Variants in GSPT1 observed in about 807,000 individuals in gnomAD.
The protein encoded by GSPT1 is eukaryotic peptide chain release factor GTP-binding subunit ERF3A.
In GSPT1, 20 loss-of-function variants were observed where a neutral mutation model predicts 72.5. The observed-to-expected ratio is 0.28, with a 90% CI of 0.19 to 0.40. GSPT1 has a LOEUF of 0.40. Ranked by LOEUF, GSPT1 falls within the 10% of genes least tolerant of loss-of-function variation. The probability of loss-of-function intolerance (pLI) is 1.00; values close to 1 mark genes in which losing one functional copy is unlikely to be tolerated. For synonymous variants in GSPT1, 334 were observed against 293.5 expected (o/e 1.14, Z -1.41); for missense variants, 580 against 811.9 (o/e 0.71, Z 3.47).
At chr16:11,896,853 C>A in intron 3 of GSPT1, 68 bp from the exon 4 acceptor site, 1 of 1,017,010 alleles carries the variant, frequency 9.8e-7, no homozygotes, top group Non-Finnish European at 1.5e-6. Flanking sequence ...AATACACTAG[C>A]TTTAAAACAA....
At chr16:11,894,327 C>T (rs2054308103) in intron 5 of GSPT1, among the ~76,000 whole-genome samples, 1 of 152,032 alleles carries the variant, frequency 6.6e-6, no homozygotes, top group South Asian at 2.1e-4. Flanking sequence ...TACTAAAATG[C>T]ATTACTAAAG....
In GSPT1 at chr16:11,915,569, G is replaced by A; in HGVS notation, c.152C>T (p.Ala51Val). 1.3e-6 allele frequency: 2 copies of A among 1,488,992 alleles called. No individual in the cohort carries two copies. The highest frequency in any genetic ancestry group is 8.9e-7 in the Non-Finnish European group (1 of 1,119,970). 92.2% of individuals were successfully genotyped at this position (1,488,992 alleles called of 1,614,324 possible). Residue 51 changes from alanine (A) to valine (V), a missense_variant, in exon 1 of 15, where the codon GCG becomes GTG. Ala to Val is a moderately conservative substitution (Grantham distance 64). Transcript: ENST00000434724. ...PGPCGGGGSLAAAAEAQRENL... is the reference protein window; with the variant it reads ...PGPCGGGGSLVAAAEAQRENL... ...CTCCCGCTGGGCCTCGGCCGCCGCC[G>A]CCAGGGAGCCGCCGCCGCCGCAAGG...
At chr16:11,894,411 T>C (rs1344965872) in intron 5 of GSPT1, among the ~76,000 whole-genome samples, 2 of 152,098 alleles carry the variant, frequency 1.3e-5, no homozygotes, top group Non-Finnish European at 2.9e-5. Flanking sequence ...TTTTAGCTAG[T>C]CTACCTGTCT....
At chr16:11,903,511 T>A (rs2054444265) in intron 1 of GSPT1, among the ~76,000 whole-genome samples, 2 of 151,996 alleles carry the variant, frequency 1.3e-5, no homozygotes, top group African/African-American at 4.8e-5. Flanking sequence ...TGAGACTCTG[T>A]CTCAAAAAAA....
rs2053948772 is a variant in GSPT1, at chr16:11,868,932, C to G, written c.*4187G>C. Reference sequence around the variant, plus strand: ...ACATAAAGGTTTTAATTAATCTCCACTCCCACACCTTCAGGCCCTTATAAT... The same window carrying G: ...ACATAAAGGTTTTAATTAATCTCCAGTCCCACACCTTCAGGCCCTTATAAT... On this transcript the variant is annotated 3_prime_UTR_variant, in exon 15 of 15. Coordinates refer to ENST00000434724, the MANE Select transcript of GSPT1 (RefSeq NM_002094.4). 1 of 152,208 alleles carries G rather than the reference C, an allele frequency of 6.6e-6. No homozygotes were observed. Among genetic ancestry groups the G allele is most frequent in the Non-Finnish European group, 1.5e-5 (1 of 68,050 alleles). The allele number at this position is 152,208 out of a possible 1,614,324, so 9.4% of individuals were successfully genotyped here. A position where few individuals can be genotyped will look rare whatever the true frequency, so the allele number is the denominator to read the frequency against.
chr16:11,914,376 A>T (rs991245782), intron 1 of GSPT1, among the ~76,000 whole-genome samples: 2 of 152,204 alleles, frequency 1.3e-5, no homozygotes, highest in African/African-American at 4.8e-5. Flanking sequence ...ACCTGCAAGC[A>T]TGCTACCTAC....
rs118074270 is a variant in GSPT1, at chr16:11,910,038, G to A, written c.352+5331C>T. Among the ~76,000 whole-genome samples, 1,896 of 152,238 alleles carry A rather than the reference G, an allele frequency of 0.012. 97 individuals are homozygous for A. The South Asian group carries it at 0.15, about 12-fold the overall frequency. Reference sequence around the variant, plus strand: ...CTTGAGCCCAGGGATTTGAAGTTACGATGAGCTATAATCACACAATTATAC... The same window carrying A: ...CTTGAGCCCAGGGATTTGAAGTTACAATGAGCTATAATCACACAATTATAC... On this transcript the variant is annotated intron_variant, in intron 1 of 14. Coordinates refer to ENST00000434724, the MANE Select transcript of GSPT1 (RefSeq NM_002094.4).
At chr16:11,908,278 T>C (rs1329519990) in intron 1 of GSPT1, 1 of 151,840 alleles carries the variant, frequency 6.6e-6, no homozygotes, top group African/African-American at 2.4e-5. Context: ...TTAAATAACA[T>C]TTAAAATACA....
At chr16:11,913,999 C>T (rs1006144861) in intron 1 of GSPT1, among the ~76,000 whole-genome samples, 1 of 152,188 alleles carries the variant, frequency 6.6e-6, no homozygotes, top group Non-Finnish European at 1.5e-5. Context: ...ACAAAAGTTT[C>T]TGTAGAAACC....
chr16:11,901,927 C>G (rs1027680713), intron 1 of GSPT1, among the ~76,000 whole-genome samples: 1 of 151,772 alleles, frequency 6.6e-6, no homozygotes, highest in Non-Finnish European at 1.5e-5. Flanking sequence ...GAAACCCCAA[C>G]TCTACTAAAA....
chr16:11,908,526 C>A (rs1489017135), intron 1 of GSPT1: 1 of 73,740 alleles, frequency 1.4e-5, no homozygotes, highest in Admixed American at 1.3e-4. Flanking sequence ...TTTGGGAGGC[C>A]GAGGCGGGCG....
chr16:11,874,318 C>T (rs1167276803), intron 14 of GSPT1, among the ~76,000 whole-genome samples: 2 of 152,022 alleles, frequency 1.3e-5, no homozygotes, highest in Non-Finnish European at 2.9e-5. Flanking sequence ...CAAAACCTAT[C>T]CTTAAGTAAC....
intron 4 of GSPT1, 124 bp from the exon 5 acceptor site, chr16:11,895,111 TA>T (rs1567444738): frequency 1.1e-5 from 7 of 665,618 alleles, no homozygotes; most frequent in Non-Finnish European, 2.8e-6. Context: ...GCATAAATCC[TA>T]GTTCATTACC....
chr16:11,909,674 C>T (rs1054544097), intron 1 of GSPT1, among the ~76,000 whole-genome samples: 2 of 152,118 alleles, frequency 1.3e-5, no homozygotes, highest in African/African-American at 4.8e-5. Context: ...CCTGTAATCC[C>T]AGCATTTTGG....
At chr16:11,910,830 G>C (rs115507894) in intron 1 of GSPT1, among the ~76,000 whole-genome samples, 1,639 of 152,312 alleles carry the variant, frequency 0.011, 36 homozygotes, top group African/African-American at 0.038. Flanking sequence ...GCTCCAAAGA[G>C]GGTTTTTACA....
At chr16:11,900,620 C>A (rs1596471494) in intron 1 of GSPT1, among the ~76,000 whole-genome samples, 1 of 152,158 alleles carries the variant, frequency 6.6e-6, no homozygotes, top group Non-Finnish European at 1.5e-5. Flanking sequence ...TCTTCCCCTT[C>A]CTCAGATAGT....
At chr16:11,913,874 C>T (rs2054591371) in intron 1 of GSPT1, among the ~76,000 whole-genome samples, 1 of 152,166 alleles carries the variant, frequency 6.6e-6, no homozygotes. Flanking sequence ...CATCAACCAC[C>T]CACACAAATA....
chr16:11,874,402 G>T (rs1266527482), intron 14 of GSPT1, among the ~76,000 whole-genome samples: 2 of 144,912 alleles, frequency 1.4e-5, no homozygotes, highest in Non-Finnish European at 3.0e-5. Context: ...CCTGTGGACT[G>T]AAAGGATACA....
chr16:11,892,973 TATAAG>T (rs1483888938), intron 5 of GSPT1, among the ~76,000 whole-genome samples: 1 of 152,058 alleles, frequency 6.6e-6, no homozygotes, highest in Admixed American at 6.6e-5. Context: ...TGACTATGGT[TATAAG>T]ATGTCAACAT....
Sources: allele counts gnomAD v4.1 joint callset (sites outside exome capture counted in the v4.1 genomes callset), GRCh38; gene constraint gnomAD v4.1.1; transcripts MANE v1.5; gene names NCBI Gene and HGNC (gene_info 2026-07-23, HGNC 2026-07-21).